SBNO2: variants seen among roughly 807,000 people sequenced by gnomAD.
SBNO2 encodes protein strawberry notch homolog 2.
A neutral mutation model predicts 146.3 loss-of-function variants in SBNO2; 89 were observed. The ratio of observed to expected loss-of-function variants is 0.61; its 90% CI spans 0.51 to 0.73. SBNO2 has a LOEUF of 0.73. SBNO2 is among the 30% of genes least tolerant of loss of function. The pLI, the probability that SBNO2 is intolerant of heterozygous loss-of-function variation, is 0.00. For missense variants in SBNO2, 2,092 were observed against 2,003.7 expected (o/e 1.04, Z -0.84); for synonymous variants, 1,147 against 892.6 (o/e 1.29, Z -5.08).
chr19:1,154,950 G>A (rs912153208), intron 1 of SBNO2: 5 of 152,496 alleles, frequency 3.3e-5, no homozygotes, highest in Admixed American at 6.5e-5. Context: ...TCACACACCA[G>A]CATCCCCACT....
chr19:1,145,744 T>C (rs1444994005), intron 4 of SBNO2, among the ~76,000 whole-genome samples: 2 of 152,128 alleles, frequency 1.3e-5, no homozygotes, highest in African/African-American at 2.4e-5. Context: ...CCGGCTGGCA[T>C]GGCGCAGCAG....
At position 1,107,983 on chromosome 19, in the gene SBNO2, TC is replaced by T. The variant is rs927876599; in HGVS notation, c.*236del. The T allele has an allele frequency of 4.0e-5, 13 of 327,936 alleles. No homozygotes were observed. Among genetic ancestry groups the T allele is most frequent in the Admixed American group, 1.0e-4 (2 of 19,424 alleles). 20.3% of individuals were successfully genotyped at this position (327,936 alleles called of 1,614,324 possible). A position where few individuals can be genotyped will look rare whatever the true frequency, so the allele number is the denominator to read the frequency against. On this transcript the variant is annotated 3_prime_UTR_variant, in exon 32 of 32. Coordinates refer to ENST00000361757, the MANE Select transcript of SBNO2 (RefSeq NM_014963.3). ...CCCAGAGCAGCCACCCGGAGCCCCTTCCTACTTGGGAGGAGAGGCACAGAGA... is the reference window on the plus strand; with the variant it reads ...CCCAGAGCAGCCACCCGGAGCCCCTTCTACTTGGGAGGAGAGGCACAGAGA...
rs375386616 is a variant in SBNO2 at position 1,140,556 on chromosome 19, C to T, written c.279+6753G>A. On this transcript the variant is annotated intron_variant, in intron 4 of 31. Coordinates refer to ENST00000361757, the MANE Select transcript of SBNO2 (RefSeq NM_014963.3). This position sits in a 1 kb window ranked among gnomAD's most constrained non-coding sequence, Gnocchi z 4.4. ...GACACCGCGGGAGCCCCGCAGCCCACGGTGGATGCCAGCAGCGGCATCCTG... is the reference window on the plus strand; with the variant it reads ...GACACCGCGGGAGCCCCGCAGCCCATGGTGGATGCCAGCAGCGGCATCCTG... 1.8e-4 allele frequency among the ~76,000 whole-genome samples: 27 copies of T among 150,440 alleles called. No individual in the cohort carries two copies. Among genetic ancestry groups the T allele is most frequent in the East Asian group, 8.1e-4 (4 of 4,964 alleles).
chr19:1,110,623 G>T lies in SBNO2; in HGVS notation c.3028+122C>A. On this transcript the variant is annotated intron_variant, in intron 26 of 31. Transcript: ENST00000361757. The surrounding 1 kb of genome is among the most constrained non-coding windows in gnomAD (Gnocchi z 4.9). ...CCCGGGATGCACGGTGTTCCCACGA[G>T]CCCCTCGCCCACCCGGGATGCCCGG... 1 of 1,233,416 alleles carries T rather than the reference G, an allele frequency of 8.1e-7. No individual in the cohort carries two copies. The highest frequency in any genetic ancestry group is 1.1e-6 in the Non-Finnish European group (1 of 920,102). 76.4% of individuals were successfully genotyped at this position (1,233,416 alleles called of 1,614,324 possible).
chr19:1,132,172 G>C, intron 4 of SBNO2: 1 of 1,438,384 alleles, frequency 7.0e-7, no homozygotes, highest in South Asian at 1.4e-5. Flanking sequence ...CCCCCAGGAA[G>C]CGCTGCCCGG....
chr19:1,118,981 G>A (rs1172162031), intron 14 of SBNO2, 30 bp downstream of exon 14: 2 of 1,560,378 alleles, frequency 1.3e-6, no homozygotes, highest in African/African-American at 1.3e-5. Context: ...GAAACGCACA[G>A]GGGTCCCCGG....
intron 4 of SBNO2, among the ~76,000 whole-genome samples, chr19:1,145,153 GGAGA>G (rs898242340): frequency 6.6e-6 from 1 of 151,592 alleles, no homozygotes; most frequent in Non-Finnish European, 1.5e-5. Context: ...GGGGGAAGAG[GGAGA>G]GAGAGAGACA....
At chr19:1,151,120 C>G (rs2080238522) in intron 2 of SBNO2, among the ~76,000 whole-genome samples, 2 of 152,244 alleles carry the variant, frequency 1.3e-5, no homozygotes, top group Non-Finnish European at 2.9e-5. Flanking sequence ...AGAAAGCCAG[C>G]CCTGGAGAGA....
intron 5 of SBNO2, among the ~76,000 whole-genome samples, chr19:1,125,358 C>CAAAAAA (rs35572800): frequency 1.9e-5 from 1 of 53,156 alleles, no homozygotes; most frequent in African/African-American, 7.5e-5. Flanking sequence ...GACTCCATCT[C>CAAAAAA]AAAAAAAAAA....
intron 1 of SBNO2, among the ~76,000 whole-genome samples, chr19:1,165,166 G>A (rs1029670030): frequency 1.5e-4 from 23 of 152,272 alleles, no homozygotes; most frequent in Non-Finnish European, 2.6e-4. Context: ...GGAGTTGAGC[G>A]TGGCCCTGCC....
chr19:1,108,372 C>T lies in SBNO2; in HGVS notation c.3949G>A (p.Glu1317Lys), dbSNP rs1292072229. 155 of 1,291,582 alleles carry T rather than the reference C, an allele frequency of 1.2e-4. No individual in the cohort carries two copies. Among genetic ancestry groups the T allele is most frequent in the Non-Finnish European group, 1.5e-4 (154 of 1,013,866 alleles). The allele number at this position is 1,291,582 out of a possible 1,614,324, so 80.0% of individuals were successfully genotyped here. A position where few individuals can be genotyped will look rare whatever the true frequency, so the allele number is the denominator to read the frequency against. The change falls in exon 32 of 32, where the codon GAG (glutamate) becomes AAG (lysine). Residue 1317 changes from glutamate (E) to lysine (K), a missense_variant. Coordinates refer to ENST00000361757, the MANE Select transcript of SBNO2 (RefSeq NM_014963.3). ...GCGTGCAGCGAGCGCAGCATGTCCT[C>T]CAGCACCTCCTTGAAGTTGATGTCG... The part of the protein sequence containing the change: ...GCDINFKEVL[E>K]DMLRSLHAGP...
At chr19:1,127,826 A>G in intron 4 of SBNO2, 61 bp from the exon 5 acceptor site, 1 of 1,528,836 alleles carries the variant, frequency 6.5e-7, no homozygotes, top group South Asian at 1.2e-5. Flanking sequence ...CCCTCCACGC[A>G]CTGGAGCACG....
intron 15 of SBNO2, 97 bp downstream of exon 15, chr19:1,117,226 C>G: frequency 7.9e-7 from 1 of 1,269,870 alleles, no homozygotes. Context: ...AGCCCCCGCC[C>G]ACGTCTGGGG....
At position 1,147,299 on chromosome 19, in the gene SBNO2, G is replaced by A. The variant is rs2080199981; in HGVS notation, c.279+10C>T. On this transcript the variant is annotated intron_variant, in intron 4 of 31. Transcript: ENST00000361757. ...CCCCCCACGGCGCGGTGAGCTCCTG[G>A]GGCTCCTACCTGAGCAAAGTCGCAG... The A allele has an allele frequency of 6.4e-7, 1 of 1,567,716 alleles. No homozygotes were observed. Among genetic ancestry groups the A allele is most frequent in the South Asian group, 1.2e-5 (1 of 86,878 alleles).
chr19:1,119,795 G>C (rs1039463248), intron 12 of SBNO2, 111 bp downstream of exon 12: 3 of 980,890 alleles, frequency 3.1e-6, no homozygotes, highest in African/African-American at 3.2e-5. Context: ...GTCCGAGGAG[G>C]AGCAGGGTGC....
At position 1,119,967 on chromosome 19, in the gene SBNO2, C is replaced by T; in HGVS notation, c.1206G>A (p.Lys402=). Residue 402 remains lysine, a synonymous_variant, in exon 12 of 32, where the codon AAG becomes AAA. Transcript: ENST00000361757. ...GCTTGTTCTGCAGGTCTAGCACAGC[C>T]TTGCCCATCTTGGTGGAGCCGGCAT... ...AKNAGSTKMG[K]AVLDLQNKLP... is the part of the protein sequence containing the mutation. 6.4e-7 allele frequency: 1 copy of T among 1,551,228 alleles called. No individual in the cohort carries two copies. Among genetic ancestry groups the T allele is most frequent in the Non-Finnish European group, 8.7e-7 (1 of 1,147,264 alleles).
At chr19:1,134,038 G>T (rs2080061358) in intron 4 of SBNO2, among the ~76,000 whole-genome samples, 1 of 151,914 alleles carries the variant, frequency 6.6e-6, no homozygotes, top group African/African-American at 2.4e-5. Flanking sequence ...ACAGCTCAAG[G>T]GTGGACTCAC....
In SBNO2 at chr19:1,109,471, C is replaced by G. The variant is rs772658001; in HGVS notation, c.3216+35G>C. The G allele has an allele frequency of 1.9e-6, 3 of 1,572,700 alleles. No homozygotes were observed. In the South Asian group the frequency reaches 3.5e-5, roughly 18 times the overall value. On this transcript the variant is annotated intron_variant, in intron 28 of 31. Transcript: ENST00000361757. This position sits in a 1 kb window ranked among gnomAD's most constrained non-coding sequence, Gnocchi z 4.2. ...CGCGCCCCGGTCCGCCCCCCGCGGG[C>G]CCTCCTCTGGGGGGGTAACCCCGCC...
rs1253570306 is a variant in SBNO2 at position 1,108,555 on chromosome 19, C to G, written c.3766G>C (p.Val1256Leu). 3 of 1,244,872 alleles carry G rather than the reference C, an allele frequency of 2.4e-6. No individual in the cohort carries two copies. Among genetic ancestry groups the G allele is most frequent in the South Asian group, 4.8e-5 (2 of 41,384 alleles). 77.1% of individuals were successfully genotyped at this position (1,244,872 alleles called of 1,614,324 possible). A position where few individuals can be genotyped will look rare whatever the true frequency, so the allele number is the denominator to read the frequency against. Residue 1256 changes from valine (V) to leucine (L), a missense_variant, in exon 32 of 32, where the codon GTG becomes CTG. Coordinates refer to ENST00000361757, the MANE Select transcript of SBNO2 (RefSeq NM_014963.3). ...PLALPCGPGE[V>L]LDLTYSPPAE... ...GGGGGGCTGTAGGTGAGGTCCAGCA[C>G]CTCTCCGGGGCCGCAAGGCAGCGCC...
Sources: gnomAD v4.1 joint callset for allele counts (sites outside exome capture counted in the v4.1 genomes callset) on GRCh38, gnomAD v4.1.1 for gene constraint, Gnocchi (gnomAD v3.1) non-coding constraint, MANE v1.5 for transcripts, NCBI Gene and HGNC (gene_info 2026-07-23, HGNC 2026-07-21) for gene names.